The following SOCS2 variants were observed in gnomAD, a reference collection of about 807,000 sequenced individuals.
SOCS2 encodes suppressor of cytokine signaling 2, also known as CIS-2.
In SOCS2, 10 loss-of-function variants were observed where a neutral mutation model predicts 18.6. That is an observed-to-expected ratio of 0.54 (90% CI 0.33 to 0.91). The LOEUF is 0.91. Ranked by LOEUF, SOCS2 falls within the 40% of genes least tolerant of loss-of-function variation. The pLI, the probability that SOCS2 is intolerant of heterozygous loss-of-function variation, is 0.02. For synonymous variants in SOCS2, 104 were observed against 104.0 expected (o/e 1.00, Z 0.00); for missense variants, 231 against 247.2 (o/e 0.93, Z 0.44).
chr12:93,587,454 G>C (rs961215342), downstream of SOCS2, among the ~76,000 whole-genome samples: 1 of 152,084 alleles, frequency 6.6e-6, no homozygotes, highest in Non-Finnish European at 1.5e-5. Flanking sequence ...GGCAGAGGTG[G>C]GCAGATCACG....
chr12:93,577,455 A>G (rs577804899), downstream of SOCS2, among the ~76,000 whole-genome samples: 13 of 151,924 alleles, frequency 8.6e-5, no homozygotes, highest in Admixed American at 2.0e-4. Flanking sequence ...GCAAAGTACA[A>G]TGATGATAGG....
At chr12:93,588,193 G>A (rs886801200), downstream of SOCS2, among the ~76,000 whole-genome samples, 1 of 152,170 alleles carries the variant, frequency 6.6e-6, no homozygotes, top group Non-Finnish European at 1.5e-5. Context: ...ATTAACAGAA[G>A]ATGTGAGTTT....
At chr12:93,602,284 C>T in the SOCS2 span, among the ~76,000 whole-genome samples, 7,275 of 152,102 alleles carry the variant, frequency 0.048, 207 homozygotes, top group South Asian at 0.09. Flanking sequence ...TTAGTAGAGA[C>T]GAGGTCTCAC....
the SOCS2 span, among the ~76,000 whole-genome samples, chr12:93,600,886 T>A: frequency 6.6e-6 from 1 of 151,734 alleles, no homozygotes; most frequent in African/African-American, 2.4e-5. Flanking sequence ...CCTCCTGGGC[T>A]CAAGGGGTCC....
chr12:93,613,409 A>G, the SOCS2 span, among the ~76,000 whole-genome samples: 1 of 150,682 alleles, frequency 6.6e-6, no homozygotes, highest in African/African-American at 2.4e-5. Context: ...CCCCTCCCAG[A>G]AAAAAAAACC....
At chr12:93,596,122 A>G in the SOCS2 span, among the ~76,000 whole-genome samples, 1 of 152,354 alleles carries the variant, frequency 6.6e-6, no homozygotes, top group Non-Finnish European at 1.5e-5. Context: ...CTTGGGATCA[A>G]TAATAGACAT....
At chr12:93,573,373 T>C in intron 1 of SOCS2, 1 of 483,340 alleles carries the variant, frequency 2.1e-6, no homozygotes, top group South Asian at 4.0e-5. Context: ...GCGCCTCCCT[T>C]TGCACGGGGT....
At chr12:93,600,264 AT>A in the SOCS2 span, among the ~76,000 whole-genome samples, 1 of 152,182 alleles carries the variant, frequency 6.6e-6, no homozygotes, top group African/African-American at 2.4e-5. Context: ...CTGATTTTTA[AT>A]GTTACCTTTG....
the SOCS2 span, among the ~76,000 whole-genome samples, chr12:93,593,929 A>C: frequency 6.6e-6 from 1 of 152,242 alleles, no homozygotes; most frequent in East Asian, 1.9e-4. Context: ...GAAATAAATC[A>C]AGAGCGTAGA....
At chr12:93,596,931 G>C in the SOCS2 span, among the ~76,000 whole-genome samples, 3 of 152,106 alleles carry the variant, frequency 2.0e-5, no homozygotes, top group Non-Finnish European at 2.9e-5. Context: ...GGCCTCACTT[G>C]TCTCATCTGT....
At chr12:93,613,261 T>G in the SOCS2 span, among the ~76,000 whole-genome samples, 1 of 152,202 alleles carries the variant, frequency 6.6e-6, no homozygotes, top group African/African-American at 2.4e-5. Flanking sequence ...ACTCACATTT[T>G]CAGTCCATAT....
chr12:93,575,458 G>A lies in SOCS2; in HGVS notation c.*279G>A, dbSNP rs184818381. The A allele has an allele frequency of 1.6e-5, 3 of 188,670 alleles. No homozygotes were observed. Among genetic ancestry groups the A allele is most frequent in the Middle Eastern group, 2.2e-3 (1 of 458 alleles). The allele number at this position is 188,670 out of a possible 1,614,324, so 11.7% of individuals were successfully genotyped here. On this transcript the variant is annotated 3_prime_UTR_variant, in exon 2 of 2. Transcript: ENST00000551556. ...AATGTCGCATGTAAAGGCTGAAGTC[G>A]CGTTTTATCAGAATGCCTTGCCTTC...
chr12:93,608,000 C>CTTT, the SOCS2 span, among the ~76,000 whole-genome samples: 44 of 124,446 alleles, frequency 3.5e-4, no homozygotes, highest in African/African-American at 9.3e-4. Flanking sequence ...GACTGTAAAT[C>CTTT]TTTTTTTTTT....
At chr12:93,587,062 G>T (rs948938650), downstream of SOCS2, among the ~76,000 whole-genome samples, 2 of 152,244 alleles carry the variant, frequency 1.3e-5, no homozygotes, top group African/African-American at 4.8e-5. Context: ...CAGCTACTCT[G>T]GAGGCTGAGG....
the SOCS2 span, among the ~76,000 whole-genome samples, chr12:93,602,473 AC>A: frequency 1.3e-5 from 2 of 152,260 alleles, no homozygotes; most frequent in Admixed American, 1.3e-4. Context: ...AAGTCATGTG[AC>A]CTGTACAACA....
chr12:93,615,008 G>T, the SOCS2 span, among the ~76,000 whole-genome samples: 1 of 150,772 alleles, frequency 6.6e-6, no homozygotes, highest in South Asian at 2.1e-4. Context: ...GGGAGAAATT[G>T]TCATTGCCAC....
the SOCS2 span, among the ~76,000 whole-genome samples, chr12:93,592,918 T>C: frequency 5.2e-5 from 3 of 58,234 alleles, no homozygotes; most frequent in Non-Finnish European, 9.2e-5. Flanking sequence ...CTGAGAAAGC[T>C]TTTTTTTTTT....
chr12:93,620,699 C>A, the SOCS2 span, among the ~76,000 whole-genome samples: 1 of 152,238 alleles, frequency 6.6e-6, no homozygotes, highest in Non-Finnish European at 1.5e-5. Flanking sequence ...CAGGCATGAG[C>A]CACCATGCCT....
chr12:93,588,783 AT>A, the SOCS2 span, among the ~76,000 whole-genome samples: 84 of 147,378 alleles, frequency 5.7e-4, no homozygotes, highest in East Asian at 5.9e-4. Context: ...AGCCTAGCTA[AT>A]TTTTTTTTTT....
Sources: allele counts gnomAD v4.1 joint callset (sites outside exome capture counted in the v4.1 genomes callset), GRCh38; gene constraint gnomAD v4.1.1; transcripts MANE v1.5; gene names NCBI Gene and HGNC (gene_info 2026-07-23, HGNC 2026-07-21).